ANXA4: variants seen among roughly 807,000 people sequenced by gnomAD.
The protein encoded by ANXA4 is 35-beta calcimedin.
In ANXA4, 39 loss-of-function variants were observed where a neutral mutation model predicts 49.8. The ratio of observed to expected loss-of-function variants is 0.78; its 90% CI spans 0.61 to 1.02. ANXA4 has a LOEUF of 1.02. ANXA4 is among the 50% of genes least tolerant of loss of function. The pLI is 0.00. For missense variants in ANXA4, 360 were observed against 410.1 expected (o/e 0.88, Z 1.05); for synonymous variants, 134 against 152.5 (o/e 0.88, Z 0.89).
At chr2:69,797,215 C>T (rs1033761860) in intron 3 of ANXA4, among the ~76,000 whole-genome samples, 9 of 152,152 alleles carry the variant, frequency 5.9e-5, no homozygotes, top group African/African-American at 2.2e-4. Context: ...GAGGTTTCCT[C>T]GGTCTCCTGG....
Position 69,656,355 on chromosome 2 carries a change from G to A in ANXA4, n.766+3073G>A, listed in dbSNP as rs187825889. The stretch of plus-strand genomic sequence containing the variant: ...TATGTGTATATATATGTGTATATAT[G>A]TGTATATATATGTGTATATATGTGT... On this transcript the variant is annotated intron_variant and non_coding_transcript_variant, in intron 2 of 3. Coordinates refer to the ANXA4 transcript ENST00000418066. Among the ~76,000 whole-genome samples, 152 of 127,032 alleles carry A rather than the reference G, an allele frequency of 1.2e-3. 14 individuals are homozygous for A. Among genetic ancestry groups the A allele is most frequent in the East Asian group, 5.5e-3 (18 of 3,276 alleles). 83.3% of individuals were successfully genotyped at this position (127,032 alleles called of 152,430 possible).
At chr2:69,740,600 G>A (rs2136441), upstream of ANXA4, among the ~76,000 whole-genome samples, 5,459 of 150,776 alleles carry the variant, frequency 0.036, 608 homozygotes, top group East Asian at 0.27. Flanking sequence ...GACTACAGGC[G>A]TGGCTATGCA....
chr2:69,710,961 A>G (rs989379177), intron 2 of ANXA4, among the ~76,000 whole-genome samples: 8 of 152,312 alleles, frequency 5.3e-5, no homozygotes, highest in Non-Finnish European at 8.8e-5. Context: ...ATAAAATACA[A>G]TTCTACTCCT....
At chr2:69,666,303 C>A (rs2105332860) in intron 2 of ANXA4, among the ~76,000 whole-genome samples, 1 of 152,260 alleles carries the variant, frequency 6.6e-6, no homozygotes, top group African/African-American at 2.4e-5. Flanking sequence ...TACTTTACAG[C>A]CATTGGGGTA....
intron 1 of ANXA4, among the ~76,000 whole-genome samples, chr2:69,748,474 A>T (rs1405577404): frequency 6.6e-6 from 1 of 150,738 alleles, no homozygotes; most frequent in Non-Finnish European, 1.5e-5. Flanking sequence ...TTTTTCATTA[A>T]TTTTACATTA....
chr2:69,732,743 A>G (rs1670139300), intron 3 of ANXA4, among the ~76,000 whole-genome samples: 2 of 152,186 alleles, frequency 1.3e-5, no homozygotes, highest in Admixed American at 6.5e-5. Context: ...GGGCAATAAG[A>G]GCAAAACTCT....
chr2:69,664,681 T>A (rs1676868435), intron 2 of ANXA4, among the ~76,000 whole-genome samples: 1 of 152,170 alleles, frequency 6.6e-6, no homozygotes, highest in South Asian at 2.1e-4. Flanking sequence ...GCAGCAACAG[T>A]ATGTTCAATC....
chr2:69,682,846 G>A (rs975078551), intron 2 of ANXA4, among the ~76,000 whole-genome samples: 2 of 152,266 alleles, frequency 1.3e-5, no homozygotes, highest in African/African-American at 2.4e-5. Context: ...GGTCTAGAGA[G>A]TTCTTAACAA....
At chr2:69,795,774 T>A (rs2124010) in intron 3 of ANXA4, among the ~76,000 whole-genome samples, 1 of 152,120 alleles carries the variant, frequency 6.6e-6, no homozygotes, top group African/African-American at 2.4e-5. Flanking sequence ...CTGGCCCCCA[T>A]GTGGGCTAAA....
At chr2:69,661,221 CAA>C (rs201916139) in intron 2 of ANXA4, among the ~76,000 whole-genome samples, 238 of 67,736 alleles carry the variant, frequency 3.5e-3, no homozygotes, top group African/African-American at 8.8e-3. Flanking sequence ...AAGCTTCAGA[CAA>C]AAAAAAAAAA....
intron 2 of ANXA4, among the ~76,000 whole-genome samples, chr2:69,711,058 G>T (rs1400891939): frequency 6.6e-6 from 1 of 152,044 alleles, no homozygotes; most frequent in African/African-American, 2.4e-5. Flanking sequence ...GGCCAGGCGT[G>T]GTTGCTCACA....
intron 2 of ANXA4, among the ~76,000 whole-genome samples, chr2:69,783,219 T>C (rs7558899): frequency 0.19 from 28,900 of 152,044 alleles, 3,170 homozygotes; most frequent in East Asian, 0.34. Flanking sequence ...TAATTTATTT[T>C]TATTTTTATT....
chr2:69,673,348 C>T lies in ANXA4; in HGVS notation n.766+20066C>T, dbSNP rs1356039269. 2.0e-5 allele frequency among the ~76,000 whole-genome samples: 3 copies of T among 152,074 alleles called. No individual in the cohort carries two copies. In the East Asian group the frequency reaches 5.8e-4, roughly 29 times the overall value. On this transcript the variant is annotated intron_variant and non_coding_transcript_variant, in intron 2 of 3. Transcript: ENST00000418066. ...CCATAAAAAAGGATGAGTTCATGTC[C>T]TTTACAGGGACATGGATGAAGCTGG...
At chr2:69,668,431 G>C (rs185363997) in intron 2 of ANXA4, among the ~76,000 whole-genome samples, 94 of 152,210 alleles carry the variant, frequency 6.2e-4, no homozygotes, top group African/African-American at 2.2e-3. Context: ...GGGCAACATA[G>C]TGAGACCCTG....
chr2:69,674,895 A>G, intron 2 of ANXA4, among the ~76,000 whole-genome samples: 1 of 147,974 alleles, frequency 6.8e-6, no homozygotes, highest in Non-Finnish European at 1.5e-5. Context: ...CATTTCAAAA[A>G]TTGTACTCTA....
At chr2:69,812,277 C>A (rs116704411) in intron 7 of ANXA4, among the ~76,000 whole-genome samples, 6,314 of 152,112 alleles carry the variant, frequency 0.042, 426 homozygotes, top group African/African-American at 0.15. Context: ...ATCCCGACCC[C>A]CTTTTGGCAG....
chr2:69,715,019 G>T (rs1352917835), intron 2 of ANXA4, among the ~76,000 whole-genome samples: 1 of 152,160 alleles, frequency 6.6e-6, no homozygotes, highest in African/African-American at 2.4e-5. Context: ...GTATCATAAA[G>T]CCAAGATTGA....
chr2:69,756,983 A>C (rs901672791), intron 1 of ANXA4, among the ~76,000 whole-genome samples: 11 of 148,180 alleles, frequency 7.4e-5, no homozygotes, highest in African/African-American at 2.7e-4. Context: ...GCTGGCGTGC[A>C]GTGGACCATC....
intron 1 of ANXA4, among the ~76,000 whole-genome samples, chr2:69,765,578 A>G (rs148085808): frequency 2.6e-5 from 4 of 152,248 alleles, no homozygotes; most frequent in East Asian, 1.9e-4. Context: ...AGTGCCCCCA[A>G]TCACTGGCCC....
Sources: gnomAD v4.1 joint callset for allele counts (sites outside exome capture counted in the v4.1 genomes callset) on GRCh38, gnomAD v4.1.1 for gene constraint, MANE v1.5 for transcripts, NCBI Gene and HGNC (gene_info 2026-07-23, HGNC 2026-07-21) for gene names.